Variants in MYO9A observed in about 807,000 individuals in gnomAD.
MYO9A encodes myosin IXA.
In MYO9A, 103 loss-of-function variants were observed where a neutral mutation model predicts 293.3. The observed-to-expected ratio is 0.35, with a 90% confidence interval of 0.30 to 0.41. MYO9A has a LOEUF of 0.41. Ranked by LOEUF, MYO9A falls within the 10% of genes least tolerant of loss-of-function variation. MYO9A has a pLI of 1.00. For missense variants in MYO9A, 2,685 were observed against 3,033.0 expected (o/e 0.89, Z 2.69); for synonymous variants, 1,001 against 1,035.7 (o/e 0.97, Z 0.64).
chr15:72,018,554 GA>G (rs542535743), intron 6 of MYO9A, among the ~76,000 whole-genome samples: 5 of 151,480 alleles, frequency 3.3e-5, no homozygotes, highest in Admixed American at 1.3e-4. Context: ...TGGCTACTGG[GA>G]AAAAAAATCA....
intron 1 of MYO9A, among the ~76,000 whole-genome samples, chr15:72,053,254 A>T (rs1023747851): frequency 1.3e-5 from 2 of 152,026 alleles, no homozygotes; most frequent in African/African-American, 2.4e-5. Flanking sequence ...ACAAAAAAAA[A>T]AATTAGCCAA....
chr15:71,935,567 A>C, intron 16 of MYO9A, 83 bp from the exon 17 acceptor site: 1 of 1,305,458 alleles, frequency 7.7e-7, no homozygotes, highest in South Asian at 1.7e-5. Flanking sequence ...AACTTTAAAT[A>C]CTAAAGTTAA....
intron 1 of MYO9A, among the ~76,000 whole-genome samples, chr15:72,105,938 T>C (rs879345118): frequency 2.6e-5 from 4 of 152,132 alleles, no homozygotes; most frequent in East Asian, 1.9e-4. Context: ...AATAGAATAT[T>C]GTGTCTCCGT....
At position 71,910,220 on chromosome 15, in the gene MYO9A, A is replaced by C. The variant is rs1482465200; in HGVS notation, c.2686-5214T>G. ...CAGAAGCCCCTTTGTGCCCCATCCC[A>C]TTGACTTTAGCAAGCTCACTGTACA... On this transcript the variant is annotated intron_variant, in intron 19 of 41. Coordinates refer to ENST00000356056, the MANE Select transcript of MYO9A (RefSeq NM_006901.4). 3.5e-5 allele frequency among the ~76,000 whole-genome samples: 5 copies of C among 144,868 alleles called. No individual in the cohort carries two copies. In the East Asian group the frequency reaches 6.1e-4, roughly 18 times the overall value.
At chr15:71,859,397 T>C (rs2056017717) in intron 34 of MYO9A, among the ~76,000 whole-genome samples, 1 of 152,210 alleles carries the variant, frequency 6.6e-6, no homozygotes, top group African/African-American at 2.4e-5. Flanking sequence ...TAATTGTAGC[T>C]TACTGCATTA....
intron 39 of MYO9A, among the ~76,000 whole-genome samples, chr15:71,837,667 T>G (rs1422254257): frequency 6.6e-6 from 1 of 152,062 alleles, no homozygotes; most frequent in Admixed American, 6.5e-5. Context: ...AGATCTGATC[T>G]CTTTTAAGAA....
rs537348785 is a variant in MYO9A, at chr15:71,879,853, C to T, written c.5623-16G>A. The T allele has an allele frequency of 1.6e-5, 25 of 1,522,292 alleles. No individual in the cohort carries two copies. In the Admixed American group the frequency reaches 1.9e-4, roughly 11 times the overall value. The allele number at this position is 1,522,292 out of a possible 1,614,324, so 94.3% of individuals were successfully genotyped here. A position where few individuals can be genotyped will look rare whatever the true frequency, so the allele number is the denominator to read the frequency against. ...GGTCATTCACCTGGGAACCACAAAACGAGTTTTAGTACACAATCAACTAAT... is the reference window on the plus strand; with the variant it reads ...GGTCATTCACCTGGGAACCACAAAATGAGTTTTAGTACACAATCAACTAAT... On this transcript the variant is annotated splice_polypyrimidine_tract_variant and intron_variant, in intron 29 of 41. Coordinates refer to ENST00000356056, the MANE Select transcript of MYO9A (RefSeq NM_006901.4).
intron 8 of MYO9A, among the ~76,000 whole-genome samples, chr15:72,007,417 T>A (rs2077048112): frequency 6.6e-6 from 1 of 152,034 alleles, no homozygotes; most frequent in Non-Finnish European, 1.5e-5. Context: ...TAGTATCCTT[T>A]TTTCTCCACC....
chr15:71,963,333 C>T (rs2075790237), intron 13 of MYO9A, among the ~76,000 whole-genome samples: 1 of 152,222 alleles, frequency 6.6e-6, no homozygotes, highest in Non-Finnish European at 1.5e-5. Flanking sequence ...GATCCACCCA[C>T]CTCGGCCTCC....
intron 1 of MYO9A, among the ~76,000 whole-genome samples, chr15:72,060,263 T>G (rs919940746): frequency 3.9e-5 from 6 of 152,186 alleles, no homozygotes; most frequent in African/African-American, 1.2e-4. Flanking sequence ...TAAGATGTAC[T>G]GTATGTAGTC....
intron 19 of MYO9A, among the ~76,000 whole-genome samples, chr15:71,912,836 T>A (rs1033094902): frequency 2.6e-5 from 4 of 152,212 alleles, no homozygotes; most frequent in African/African-American, 4.8e-5. Context: ...TCTTGTCTTA[T>A]GGCTTTGATA....
chr15:71,832,366 A>G (rs1179370746), intron 39 of MYO9A, among the ~76,000 whole-genome samples: 2 of 152,166 alleles, frequency 1.3e-5, no homozygotes, highest in Non-Finnish European at 2.9e-5. Context: ...AAAGCCTACA[A>G]CCCCTAAGAA....
intron 39 of MYO9A, among the ~76,000 whole-genome samples, chr15:71,837,977 G>A (rs1265339791): frequency 1.3e-5 from 2 of 151,724 alleles, no homozygotes; most frequent in Non-Finnish European, 2.9e-5. Context: ...TTTTTCTTTT[G>A]GATCCATGTT....
chr15:71,833,257 G>A (rs1002064330), intron 39 of MYO9A, among the ~76,000 whole-genome samples: 2 of 151,824 alleles, frequency 1.3e-5, no homozygotes, highest in Non-Finnish European at 1.5e-5. Flanking sequence ...TAAGAGACAT[G>A]TGAATTCAGA....
At chr15:72,050,471 G>A (rs1412175070) in intron 1 of MYO9A, among the ~76,000 whole-genome samples, 2 of 152,044 alleles carry the variant, frequency 1.3e-5, no homozygotes, top group African/African-American at 4.8e-5. Flanking sequence ...GCCAGGCATG[G>A]TGGTGGGCAC....
chr15:72,113,057 C>T (rs931741738), intron 1 of MYO9A, among the ~76,000 whole-genome samples: 2 of 152,102 alleles, frequency 1.3e-5, no homozygotes, highest in African/African-American at 4.8e-5. Context: ...ACAGTGAGAC[C>T]CTATTTTTTC....
intron 41 of MYO9A, 138 bp from the exon 42 acceptor site, chr15:71,827,181 C>T (rs973972415): frequency 3.2e-6 from 2 of 618,390 alleles, no homozygotes; most frequent in South Asian, 2.2e-5. Context: ...TTACTATGGG[C>T]ACAGTCACAG....
At chr15:71,902,315 A>G (rs1298725634) in intron 22 of MYO9A, among the ~76,000 whole-genome samples, 3 of 152,040 alleles carry the variant, frequency 2.0e-5, no homozygotes, top group Non-Finnish European at 4.4e-5. Flanking sequence ...ATTATCAAGC[A>G]GGAGGCAGAC....
intron 1 of MYO9A, among the ~76,000 whole-genome samples, chr15:72,097,485 T>C (rs1378180263): frequency 1.3e-5 from 2 of 152,232 alleles, no homozygotes; most frequent in Admixed American, 6.5e-5. Context: ...ATAAGTCTTA[T>C]ACGCAATGGG....
Sources: allele counts gnomAD v4.1 joint callset (sites outside exome capture counted in the v4.1 genomes callset), GRCh38; gene constraint gnomAD v4.1.1; transcripts MANE v1.5; gene names NCBI Gene and HGNC (gene_info 2026-07-23, HGNC 2026-07-21).